KALRN: variants seen among roughly 807,000 people sequenced by gnomAD.
KALRN encodes the protein kalirin.
In KALRN, 70 loss-of-function variants were observed where a neutral mutation model predicts 353.7. The ratio of observed to expected loss-of-function variants is 0.20; its 90% CI spans 0.16 to 0.24. The LOEUF is 0.24. KALRN is among the 10% of genes least tolerant of loss of function. KALRN has a pLI of 1.00. For missense variants in KALRN, 2,791 were observed against 3,756.7 expected, an observed-to-expected ratio of 0.74 and a Z score of 6.72; for synonymous variants, 1,391 against 1,434.8, an observed-to-expected ratio of 0.97 and a Z score of 0.69.
chr3:124,385,279 G>A (rs374916477), intron 11 of KALRN, among the ~76,000 whole-genome samples: 1 of 152,102 alleles, frequency 6.6e-6, no homozygotes, highest in African/African-American at 2.4e-5. Context: ...GGTTTTCGGG[G>A]CATCTGCTAG....
At chr3:124,065,632 TAAAA>T (rs56298061) in intron 1 of KALRN, among the ~76,000 whole-genome samples, 88 of 131,676 alleles carry the variant, frequency 6.7e-4, no homozygotes, top group Non-Finnish European at 6.7e-4. Context: ...ATTCCTTAGT[TAAAA>T]AAAAAAAAAA....
chr3:124,712,232 T>C (rs1163723437), intron 57 of KALRN, among the ~76,000 whole-genome samples: 1 of 152,194 alleles, frequency 6.6e-6, no homozygotes, highest in African/African-American at 2.4e-5. Flanking sequence ...TTGCAATGGC[T>C]TTACAGTCTG....
At chr3:124,232,891 A>C (rs932563151) in intron 2 of KALRN, among the ~76,000 whole-genome samples, 7 of 152,182 alleles carry the variant, frequency 4.6e-5, no homozygotes, top group African/African-American at 1.7e-4. Context: ...GGAAAAAAAA[A>C]AGCAGAAACT....
chr3:124,492,029 C>G (rs1197106428), intron 31 of KALRN, among the ~76,000 whole-genome samples: 3 of 152,114 alleles, frequency 2.0e-5, no homozygotes, highest in Admixed American at 1.3e-4. Context: ...GTTAGCCTGT[C>G]TGAGCAGCGA....
intron 1 of KALRN, among the ~76,000 whole-genome samples, chr3:124,062,543 G>A (rs1014915330): frequency 7.2e-6 from 1 of 137,998 alleles, no homozygotes; most frequent in African/African-American, 2.7e-5. Flanking sequence ...CGGAGTCTCT[G>A]GGGACAGGTC....
chr3:124,592,465 G>A (rs2669923), intron 34 of KALRN, among the ~76,000 whole-genome samples: 37,354 of 118,978 alleles, frequency 0.31, 6,686 homozygotes, highest in African/African-American at 0.54. Flanking sequence ...AAAAAAAAAA[G>A]ATAGCCAATT....
chr3:124,616,297 A>G (rs367554229), intron 34 of KALRN, among the ~76,000 whole-genome samples: 4 of 152,356 alleles, frequency 2.6e-5, no homozygotes, highest in East Asian at 3.9e-4. Flanking sequence ...GGTTAAGGTT[A>G]CTACTGAAGG....
rs142185990 is a variant in KALRN, at chr3:124,101,742, C to T, written c.73+67929C>T. 5.4e-3 allele frequency among the ~76,000 whole-genome samples: 821 copies of T among 152,252 alleles called. 3 individuals carry two copies. Among genetic ancestry groups the T allele is most frequent in the Non-Finnish European group, 8.6e-3 (588 of 68,026 alleles). On this transcript the variant is annotated intron_variant, in intron 1 of 59. Coordinates refer to ENST00000682506, the MANE Select transcript of KALRN (RefSeq NM_001388419.1). ...TGTCTGACAGATACCCTGTCTTTGA[C>T]TTGCTCTGTCATTGGCTTGCCTGCT...
intron 25 of KALRN, 48 bp downstream of exon 25, chr3:124,462,681 C>A: frequency 1.8e-6 from 2 of 1,095,680 alleles, no homozygotes; most frequent in Non-Finnish European, 2.8e-6. Context: ...CCGTAAAAAC[C>A]AGACAACAGG....
chr3:124,343,954 A>C (rs1373813364), intron 9 of KALRN, among the ~76,000 whole-genome samples: 1 of 152,214 alleles, frequency 6.6e-6, no homozygotes, highest in African/African-American at 2.4e-5. Context: ...TTATATACCC[A>C]CACATGCTTC....
chr3:124,580,973 A>T (rs13063778), intron 34 of KALRN, among the ~76,000 whole-genome samples: 12,159 of 151,476 alleles, frequency 0.08, 701 homozygotes, highest in Non-Finnish European at 0.11. Context: ...AATAATAATA[A>T]AGGAAAGGAA....
At chr3:124,544,214 T>G (rs752759333) in intron 33 of KALRN, among the ~76,000 whole-genome samples, 66 of 152,242 alleles carry the variant, frequency 4.3e-4, no homozygotes, top group Non-Finnish European at 7.5e-4. Context: ...TTACCATACA[T>G]GCACACTGGC....
chr3:124,301,944 C>T (rs569450076), intron 6 of KALRN, among the ~76,000 whole-genome samples: 40 of 152,294 alleles, frequency 2.6e-4, no homozygotes, highest in African/African-American at 6.7e-4. Flanking sequence ...TTTTACCACA[C>T]GGAAATAGGC....
At chr3:124,718,435 A>T (rs1167223877) in intron 59 of KALRN, among the ~76,000 whole-genome samples, 5 of 152,092 alleles carry the variant, frequency 3.3e-5, no homozygotes. Flanking sequence ...CATTATGACT[A>T]TTAAAGAGAA....
chr3:124,184,600 CA>C (rs1399437969), intron 1 of KALRN, among the ~76,000 whole-genome samples: 1 of 152,150 alleles, frequency 6.6e-6, no homozygotes, highest in Non-Finnish European at 1.5e-5. Context: ...GGTCAATTTT[CA>C]ACTCCCCTTT....
chr3:124,657,618 A>C, intron 40 of KALRN, 67 bp downstream of exon 40: 3 of 1,412,804 alleles, frequency 2.1e-6, no homozygotes, highest in Non-Finnish European at 3.0e-6. Context: ...CTCTTCCTGC[A>C]TCTGACTCAA....
At position 124,488,245 on chromosome 3, in the gene KALRN, G is replaced by A. The variant is rs1358861008; in HGVS notation, c.4326G>A (p.Lys1442=). The change falls in exon 29 of 60, where the codon AAG becomes AAA. Residue 1442 remains lysine (K), a synonymous_variant. Coordinates refer to ENST00000682506, the MANE Select transcript of KALRN (RefSeq NM_001388419.1). ...TCCEEGKGEL[K]DGLEVMLSVP... ...GTGAAGAAGGGAAAGGGGAGCTCAAGGATGGCCTGGAGGTGATGCTCAGTG... is the reference window on the plus strand; with the variant it reads ...GTGAAGAAGGGAAAGGGGAGCTCAAAGATGGCCTGGAGGTGATGCTCAGTG... The A allele has an allele frequency of 1.2e-6, 2 of 1,613,824 alleles. No individual in the cohort carries two copies. Among genetic ancestry groups the A allele is most frequent in the Admixed American group, 3.3e-5 (2 of 59,982 alleles).
chr3:124,671,849 G>C lies in KALRN; in HGVS notation c.6893G>C (p.Ser2298Thr). The stretch of plus-strand genomic sequence containing the variant: ...CTGAAGATATCTACCTCCAATGGCA[G>C]TCCAGGGTTTGAATACCACCAGCCT... Reference protein sequence around the residue: ...PPLKISTSNGSPGFEYHQPGD... With the variant: ...PPLKISTSNGTPGFEYHQPGD... Residue 2298 changes from serine (S) to threonine (T), a missense_variant, in exon 48 of 60, where the codon AGT becomes ACT. Coordinates refer to ENST00000682506, the MANE Select transcript of KALRN (RefSeq NM_001388419.1). The C allele has an allele frequency of 6.2e-7, 1 of 1,614,170 alleles. No individual in the cohort carries two copies.
rs1021138710 is a variant in KALRN at position 124,163,533 on chromosome 3, T to C, written c.74-64457T>C. 3.2e-6 allele frequency: 3 copies of C among 937,526 alleles called. 1 individual carries two copies. In the African/African-American group the frequency reaches 5.3e-5, roughly 17 times the overall value. 58.1% of individuals were successfully genotyped at this position (937,526 alleles called of 1,614,324 possible). A position where few individuals can be genotyped will look rare whatever the true frequency, so the allele number is the denominator to read the frequency against. ...ATCTAATGCTGCATTATGGCATGCA[T>C]TTCTTTAGCCTAAATCTGTCAGTGA... On this transcript the variant is annotated intron_variant, in intron 1 of 59. Coordinates refer to ENST00000682506, the MANE Select transcript of KALRN (RefSeq NM_001388419.1).
Sources: allele counts gnomAD v4.1 joint callset (sites outside exome capture counted in the v4.1 genomes callset), GRCh38; gene constraint gnomAD v4.1.1; transcripts MANE v1.5; gene names NCBI Gene and HGNC (gene_info 2026-07-23, HGNC 2026-07-21).